The following FHIT variants were observed in gnomAD, a reference collection of about 807,000 sequenced individuals.
FHIT encodes fragile histidine triad diadenosine triphosphatase.
A neutral mutation model predicts 17.9 loss-of-function variants in FHIT; 19 were observed. That is an observed-to-expected ratio of 1.06 (90% CI 0.74 to 1.56). FHIT has a LOEUF of 1.56. Among genes scored for constraint, FHIT ranks in the 40% most tolerant of loss-of-function variants. The probability of loss-of-function intolerance (pLI) is 0.00; values close to 1 mark genes in which losing one functional copy is unlikely to be tolerated. For missense variants in FHIT, 248 were observed against 189.2 expected, an observed-to-expected ratio of 1.31 and a Z score of -1.82; for synonymous variants, 81 against 69.7, an observed-to-expected ratio of 1.16 and a Z score of -0.81.
At chr3:60,096,029 G>T (rs180695432) in intron 5 of FHIT, among the ~76,000 whole-genome samples, 81 of 152,232 alleles carry the variant, frequency 5.3e-4, no homozygotes, top group African/African-American at 1.9e-3. Context: ...GTTGACACAG[G>T]ATTTTTTCTT....
At position 60,710,811 on chromosome 3, in the gene FHIT, T is replaced by A. The variant is rs549350388; in HGVS notation, c.-18+111108A>T. Among the ~76,000 whole-genome samples, 354 of 152,310 alleles carry A rather than the reference T, an allele frequency of 2.3e-3. 2 individuals are homozygous for A. The highest frequency in any genetic ancestry group is 8.3e-3 in the African/African-American group (345 of 41,590). On this transcript the variant is annotated intron_variant, in intron 4 of 9. Transcript: ENST00000492590. Reference sequence around the variant, plus strand: ...GAGCCCATCACAGATCAAGGAGGCCTGCCTGCCTCTGTAGGCTCCACCTCT... The same window carrying A: ...GAGCCCATCACAGATCAAGGAGGCCAGCCTGCCTCTGTAGGCTCCACCTCT...
rs1559644017 is a variant in FHIT, at chr3:60,114,001, C to CAAA, written c.104-99850_104-99849insTTT. Among the ~76,000 whole-genome samples, 33 of 17,920 alleles carry CAAA rather than the reference C, an allele frequency of 1.8e-3. 13 individuals carry two copies. The highest frequency in any genetic ancestry group is 3.7e-3 in the African/African-American group (8 of 2,164). The allele number at this position is 17,920 out of a possible 152,430, so 11.8% of individuals were successfully genotyped here. A position where few individuals can be genotyped will look rare whatever the true frequency, so the allele number is the denominator to read the frequency against. On this transcript the variant is annotated intron_variant, in intron 5 of 9. Coordinates refer to ENST00000492590, the MANE Select transcript of FHIT (RefSeq NM_002012.4). The stretch of plus-strand genomic sequence containing the variant: ...TGGGCAATAGAACAAGACCCCGTCT[C>CAAA]CAAAAAAAAAAAAAAAAAAAAAAAA...
At chr3:60,003,462 G>C (rs1022348349) in intron 7 of FHIT, among the ~76,000 whole-genome samples, 1 of 152,138 alleles carries the variant, frequency 6.6e-6, no homozygotes, top group African/African-American at 2.4e-5. Context: ...CTGTATTTAA[G>C]GATGTGGTGT....
chr3:60,302,248 G>C (rs1323506531), intron 5 of FHIT, among the ~76,000 whole-genome samples: 5 of 151,924 alleles, frequency 3.3e-5, no homozygotes, highest in Non-Finnish European at 7.4e-5. Context: ...TTATTGGTAA[G>C]GCAAGAAATG....
At chr3:60,408,044 A>C (rs1362747413) in intron 5 of FHIT, among the ~76,000 whole-genome samples, 1 of 152,192 alleles carries the variant, frequency 6.6e-6, no homozygotes, top group African/African-American at 2.4e-5. Flanking sequence ...TTTTAAAGCT[A>C]TCTGAGAAAA....
chr3:59,946,573 G>C (rs1336404145), intron 7 of FHIT, among the ~76,000 whole-genome samples: 1 of 152,182 alleles, frequency 6.6e-6, no homozygotes, highest in African/African-American at 2.4e-5. Flanking sequence ...GGAGTGGTGA[G>C]AGTGGGCATC....
At chr3:60,277,883 T>C (rs1707233261) in intron 5 of FHIT, among the ~76,000 whole-genome samples, 1 of 152,164 alleles carries the variant, frequency 6.6e-6, no homozygotes, top group South Asian at 2.1e-4. Context: ...ATGACACTGC[T>C]TCACTGCAAT....
intron 4 of FHIT, among the ~76,000 whole-genome samples, chr3:60,594,561 C>T (rs921600433): frequency 5.3e-5 from 8 of 152,086 alleles, no homozygotes; most frequent in Admixed American, 4.6e-4. Flanking sequence ...CCACCTCCAG[C>T]TTCCTGTGCC....
intron 3 of FHIT, among the ~76,000 whole-genome samples, chr3:60,990,923 C>A (rs1161464462): frequency 6.6e-6 from 1 of 152,066 alleles, no homozygotes; most frequent in Non-Finnish European, 1.5e-5. Context: ...CAGGCAATAC[C>A]CGTTTGAGTA....
intron 5 of FHIT, among the ~76,000 whole-genome samples, chr3:60,236,309 T>G (rs1425986358): frequency 6.7e-6 from 1 of 149,136 alleles, no homozygotes; most frequent in Non-Finnish European, 1.5e-5. Context: ...AGATAGCATC[T>G]CATTTGGGTC....
At position 60,229,594 on chromosome 3, in the gene FHIT, T is replaced by C. The variant is rs528282514; in HGVS notation, c.104-215442A>G. ...TTACCATATAATTCAGAACCTTCTGTCTTTAGAAGGGGACTTTCCTATCAG... is the reference window on the plus strand; with the variant it reads ...TTACCATATAATTCAGAACCTTCTGCCTTTAGAAGGGGACTTTCCTATCAG... On this transcript the variant is annotated intron_variant, in intron 5 of 9. Coordinates refer to ENST00000492590, the MANE Select transcript of FHIT (RefSeq NM_002012.4). 7.2e-5 allele frequency among the ~76,000 whole-genome samples: 11 copies of C among 152,288 alleles called. No individual in the cohort carries two copies. In the South Asian group the frequency reaches 2.1e-3, roughly 29 times the overall value.
intron 5 of FHIT, among the ~76,000 whole-genome samples, chr3:60,112,623 A>T (rs1217407625): frequency 6.6e-6 from 1 of 152,218 alleles, no homozygotes; most frequent in Non-Finnish European, 1.5e-5. Flanking sequence ...ATCTAATTGG[A>T]GAAGACTTTT....
intron 4 of FHIT, among the ~76,000 whole-genome samples, chr3:60,821,361 A>G (rs1417284032): frequency 5.3e-5 from 8 of 152,204 alleles, no homozygotes; most frequent in East Asian, 1.9e-4. Context: ...GCCTCTTTGT[A>G]AGACCTACCC....
At chr3:61,175,619 G>A (rs1258131270) in intron 2 of FHIT, among the ~76,000 whole-genome samples, 1 of 152,106 alleles carries the variant, frequency 6.6e-6, no homozygotes, top group Admixed American at 6.5e-5. Flanking sequence ...TAAGTCATGA[G>A]GGCGAGGCTC....
chr3:60,943,358 CTCTT>C (rs1398823675), intron 3 of FHIT, among the ~76,000 whole-genome samples: 3 of 152,072 alleles, frequency 2.0e-5, no homozygotes, highest in Non-Finnish European at 2.9e-5. Context: ...TAAATAATAA[CTCTT>C]TATCTGTAAT....
chr3:61,121,060 G>T (rs1266956913), intron 2 of FHIT, among the ~76,000 whole-genome samples: 1 of 151,768 alleles, frequency 6.6e-6, no homozygotes, highest in African/African-American at 2.4e-5. Flanking sequence ...GAATGAAAAG[G>T]GAGGAACAAA....
At chr3:60,345,309 T>A (rs1432456135) in intron 5 of FHIT, among the ~76,000 whole-genome samples, 1 of 152,126 alleles carries the variant, frequency 6.6e-6, no homozygotes, top group South Asian at 2.1e-4. Context: ...CACTAACTCA[T>A]CAATTAGAGA....
chr3:60,410,790 A>G (rs1284444807), intron 5 of FHIT, among the ~76,000 whole-genome samples: 1 of 152,198 alleles, frequency 6.6e-6, no homozygotes, highest in Non-Finnish European at 1.5e-5. Context: ...TCAAATGTTA[A>G]GAGGTTTATA....
intron 1 of FHIT, among the ~76,000 whole-genome samples, chr3:61,212,336 C>A (rs941348345): frequency 3.9e-5 from 6 of 152,002 alleles, no homozygotes; most frequent in African/African-American, 1.5e-4. Flanking sequence ...AGCCAAGGCA[C>A]GAGAACTACG....
Sources: gnomAD v4.1 joint callset for allele counts (sites outside exome capture counted in the v4.1 genomes callset) on GRCh38, gnomAD v4.1.1 for gene constraint, MANE v1.5 for transcripts, NCBI Gene and HGNC (gene_info 2026-07-23, HGNC 2026-07-21) for gene names.